CDIP1: variants seen among roughly 807,000 people sequenced by gnomAD.
CDIP1 encodes the protein cell death-inducing p53-target protein 1.
Under a neutral mutation model 17.7 loss-of-function variants are expected in CDIP1, and 9 were observed. That is an observed-to-expected ratio of 0.51 (90% CI 0.31 to 0.89). The LOEUF is 0.89. Ranked by LOEUF, CDIP1 falls within the 40% of genes least tolerant of loss-of-function variation. The pLI is 0.05. For synonymous variants in CDIP1, 117 were observed against 109.5 expected (o/e 1.07, Z -0.43); for missense variants, 263 against 277.9 (o/e 0.95, Z 0.38).
chr16:4,521,078 T>A (rs1464747703), intron 1 of CDIP1, among the ~76,000 whole-genome samples: 4 of 133,074 alleles, frequency 3.0e-5, no homozygotes, highest in African/African-American at 1.1e-4. Context: ...CTTTTTCTGA[T>A]GCAACACTGG....
chr16:4,527,322 C>A (rs1022985709), intron 1 of CDIP1, among the ~76,000 whole-genome samples: 4 of 152,058 alleles, frequency 2.6e-5, no homozygotes, highest in African/African-American at 9.7e-5. Flanking sequence ...CTCATGATCT[C>A]GTGATCCACC....
chr16:4,525,612 C>G (rs2058991798), intron 1 of CDIP1, among the ~76,000 whole-genome samples: 1 of 152,198 alleles, frequency 6.6e-6, no homozygotes, highest in Non-Finnish European at 1.5e-5. Flanking sequence ...CCATGTGGGA[C>G]CAGGCCAGGA....
intron 1 of CDIP1, among the ~76,000 whole-genome samples, chr16:4,525,325 G>A (rs540539283): frequency 2.8e-4 from 42 of 152,124 alleles, no homozygotes; most frequent in Non-Finnish European, 5.6e-4. Flanking sequence ...GGTTGCCTTG[G>A]AGCGAGGACA....
chr16:4,531,089 C>T (rs1337876310), intron 1 of CDIP1, among the ~76,000 whole-genome samples: 5 of 151,826 alleles, frequency 3.3e-5, no homozygotes, highest in African/African-American at 4.8e-5. Context: ...AGTGCAGTGG[C>T]GTGATCTCGG....
rs1033559878 is a variant in CDIP1, at chr16:4,513,986, C to G, written c.85+60G>C. 5.6e-5 allele frequency: 75 copies of G among 1,347,892 alleles called. No homozygotes were observed. The highest frequency in any genetic ancestry group is 3.7e-4 in the Middle Eastern group (2 of 5,364). The allele number at this position is 1,347,892 out of a possible 1,614,324, so 83.5% of individuals were successfully genotyped here. A position where few individuals can be genotyped will look rare whatever the true frequency, so the allele number is the denominator to read the frequency against. On this transcript the variant is annotated intron_variant, in intron 3 of 5. Coordinates refer to ENST00000567695, the MANE Select transcript of CDIP1 (RefSeq NM_013399.3). This position sits in a 1 kb window ranked among gnomAD's most constrained non-coding sequence, Gnocchi z 4.1. ...GTGGGCATCACCACTTAGAGAGTCC[C>G]AACCATGCCATGGCGGCAGGGGGCT...
At chr16:4,537,201 G>A (rs2059116749) in intron 1 of CDIP1, among the ~76,000 whole-genome samples, 1 of 152,186 alleles carries the variant, frequency 6.6e-6, no homozygotes, top group African/African-American at 2.4e-5. Context: ...CAAAAAACAA[G>A]AGGGACTGCT....
chr16:4,515,425 T>C (rs7195209), intron 1 of CDIP1, among the ~76,000 whole-genome samples: 12,008 of 152,224 alleles, frequency 0.079, 783 homozygotes, highest in African/African-American at 0.17. Flanking sequence ...AGTGGTTTCT[T>C]AGATATGACA....
At chr16:4,520,080 A>G (rs1049921056) in intron 1 of CDIP1, among the ~76,000 whole-genome samples, 3 of 151,956 alleles carry the variant, frequency 2.0e-5, no homozygotes, top group East Asian at 3.9e-4. Context: ...GAGAAGCACA[A>G]TGGACTAATA....
intron 1 of CDIP1, among the ~76,000 whole-genome samples, chr16:4,530,824 C>G (rs938934107): frequency 1.3e-5 from 2 of 151,846 alleles, no homozygotes; most frequent in Non-Finnish European, 2.9e-5. Flanking sequence ...GGCAACAAAG[C>G]AAGACTCTGC....
intron 1 of CDIP1, among the ~76,000 whole-genome samples, chr16:4,515,604 T>C (rs1384977319): frequency 6.6e-6 from 1 of 152,126 alleles, no homozygotes; most frequent in African/African-American, 2.4e-5. Flanking sequence ...CAACCCAATT[T>C]TTAAAAGGAT....
Position 4,512,981 on chromosome 16 carries a change from C to T in CDIP1, c.325G>A (p.Gly109Arg). The T allele has an allele frequency of 6.3e-7, 1 of 1,589,300 alleles. No homozygotes were observed. The highest frequency in any genetic ancestry group is 8.6e-7 in the Non-Finnish European group (1 of 1,169,176). Reference sequence around the variant, plus strand: ...ACCAGGACTGTGGCTGTGTGGCCCCCAGGGCCAGGGTAGGGCCCTGGCGTG... The same window carrying T: ...ACCAGGACTGTGGCTGTGTGGCCCCTAGGGCCAGGGTAGGGCCCTGGCGTG... ...PYTPGPYPGP[G>R]GHTATVLVPS... is the part of the protein sequence containing the mutation. The change falls in exon 5 of 6, where the codon GGG becomes AGG. Residue 109 changes from glycine to arginine, a missense_variant. Transcript: ENST00000567695. The surrounding 1 kb of genome is among the most constrained non-coding windows in gnomAD (Gnocchi z 4.6).
At position 4,514,216 on chromosome 16, in the gene CDIP1, G is replaced by A. The variant is rs1367854715; in HGVS notation, c.-14-72C>T. ...GTTCCTTCTCCTTCAGCCCTGTGGGGTGGCCAAGATGCTGCACAAGGCGTG... is the reference window on the plus strand; with the variant it reads ...GTTCCTTCTCCTTCAGCCCTGTGGGATGGCCAAGATGCTGCACAAGGCGTG... On this transcript the variant is annotated intron_variant, in intron 2 of 5. Coordinates refer to ENST00000567695, the MANE Select transcript of CDIP1 (RefSeq NM_013399.3). This position sits in a 1 kb window ranked among gnomAD's most constrained non-coding sequence, Gnocchi z 5.2. 5.7e-6 allele frequency: 5 copies of A among 874,926 alleles called. No homozygotes were observed. The highest frequency in any genetic ancestry group is 6.2e-5 in the East Asian group (2 of 32,248). The allele number at this position is 874,926 out of a possible 1,614,324, so 54.2% of individuals were successfully genotyped here.
In CDIP1 at chr16:4,510,705, A is replaced by G. The variant is rs17878254; in HGVS notation, c.*1867T>C. ...ACAATTCATTCTCTAAAAGAGAAAC[A>G]TGAACTTAAATAATTTTATTAATAG... On this transcript the variant is annotated 3_prime_UTR_variant, in exon 6 of 6. Coordinates refer to ENST00000567695, the MANE Select transcript of CDIP1 (RefSeq NM_013399.3). 5.3e-5 allele frequency: 8 copies of G among 152,218 alleles called. No individual in the cohort carries two copies. The highest frequency in any genetic ancestry group is 1.9e-4 in the African/African-American group (8 of 41,462). The allele number at this position is 152,218 out of a possible 1,614,324, so 9.4% of individuals were successfully genotyped here. A position where few individuals can be genotyped will look rare whatever the true frequency, so the allele number is the denominator to read the frequency against.
At chr16:4,526,715 A>C (rs1256812108) in intron 1 of CDIP1, among the ~76,000 whole-genome samples, 38 of 150,916 alleles carry the variant, frequency 2.5e-4, no homozygotes, top group Admixed American at 2.4e-3. Flanking sequence ...AAAAAAGATA[A>C]ATAAAAATAA....
At chr16:4,538,373 G>A (rs1225815790) in intron 1 of CDIP1, 1 of 152,318 alleles carries the variant, frequency 6.6e-6, no homozygotes, top group Non-Finnish European at 1.5e-5. Flanking sequence ...GAGGGGCCCG[G>A]GTCCGGACAG....
intron 1 of CDIP1, among the ~76,000 whole-genome samples, chr16:4,521,298 G>GC (rs777282419): frequency 1.7e-4 from 26 of 152,054 alleles, no homozygotes; most frequent in Non-Finnish European, 3.8e-4. Context: ...TCTGATCCTA[G>GC]CCCCCCGAGT....
At chr16:4,525,006 CG>C (rs2058985658) in intron 1 of CDIP1, among the ~76,000 whole-genome samples, 3 of 152,058 alleles carry the variant, frequency 2.0e-5, no homozygotes, top group Non-Finnish European at 4.4e-5. Flanking sequence ...GAGGCTGAGG[CG>C]GGAGGATTGT....
intron 1 of CDIP1, among the ~76,000 whole-genome samples, chr16:4,519,275 G>A (rs1415315739): frequency 6.6e-6 from 1 of 152,088 alleles, no homozygotes; most frequent in Non-Finnish European, 1.5e-5. Context: ...AACATGTGGG[G>A]GTTTCTCCCC....
In CDIP1 at chr16:4,515,551, T is replaced by A. The variant is rs547593106; in HGVS notation, c.-104-887A>T. Among the ~76,000 whole-genome samples, 6 of 152,330 alleles carry A rather than the reference T, an allele frequency of 3.9e-5. No homozygotes were observed. In the East Asian group the frequency reaches 9.6e-4, roughly 24 times the overall value. ...ATAATTCATAGATCTGATAAAGGAC[T>A]TGTATTAAGAAATACAAAGAACTCA... On this transcript the variant is annotated intron_variant, in intron 1 of 5. Coordinates refer to ENST00000567695, the MANE Select transcript of CDIP1 (RefSeq NM_013399.3).
Sources: gnomAD v4.1 joint callset for allele counts (sites outside exome capture counted in the v4.1 genomes callset) on GRCh38, gnomAD v4.1.1 for gene constraint, Gnocchi (gnomAD v3.1) non-coding constraint, MANE v1.5 for transcripts, NCBI Gene and HGNC (gene_info 2026-07-23, HGNC 2026-07-21) for gene names.